Variants in CNBD1 observed in about 807,000 individuals in gnomAD.
CNBD1 encodes cyclic nucleotide binding domain containing 1, also known as cyclic nucleotide-binding domain-containing protein 1.
A neutral mutation model predicts 54.4 loss-of-function variants in CNBD1; 71 were observed. The ratio of observed to expected loss-of-function variants is 1.30; its 90% confidence interval spans 1.08 to 1.59. CNBD1 has a LOEUF of 1.59. CNBD1 is among the 40% of genes most tolerant of loss of function. The pLI is 0.00. For synonymous variants in CNBD1, 182 were observed against 170.7 expected, an observed-to-expected ratio of 1.07 and a Z score of -0.51; for missense variants, 659 against 518.0, an observed-to-expected ratio of 1.27 and a Z score of -2.64.
intron 4 of CNBD1, among the ~76,000 whole-genome samples, chr8:86,941,385 C>T (rs1328785398): frequency 6.6e-6 from 1 of 152,178 alleles, no homozygotes; most frequent in Non-Finnish European, 1.5e-5. Flanking sequence ...GCTACAATCA[C>T]TTTAATTCCA....
chr8:87,000,790 G>C (rs182357152), intron 4 of CNBD1, among the ~76,000 whole-genome samples: 26 of 152,056 alleles, frequency 1.7e-4, no homozygotes, highest in Admixed American at 1.5e-3. Flanking sequence ...TTACAGATTT[G>C]ATGTCACCCT....
intron 2 of CNBD1, among the ~76,000 whole-genome samples, chr8:87,427,206 C>T (rs1281876984): frequency 6.6e-6 from 1 of 152,044 alleles, no homozygotes; most frequent in Admixed American, 6.6e-5. Context: ...GCTACATTAT[C>T]TTGTATGTCC....
intron 2 of CNBD1, among the ~76,000 whole-genome samples, chr8:86,898,601 C>A (rs528907856): frequency 3.9e-5 from 6 of 152,202 alleles, no homozygotes; most frequent in African/African-American, 1.4e-4. Context: ...GATACTGAAA[C>A]AACTGGATAT....
At chr8:86,923,525 T>G (rs1260895785) in intron 3 of CNBD1, among the ~76,000 whole-genome samples, 1 of 152,152 alleles carries the variant, frequency 6.6e-6, no homozygotes, top group African/African-American at 2.4e-5. Context: ...GTGTTTTCCT[T>G]TTGACCCAGC....
chr8:87,314,312 T>A (rs1039004703), intron 8 of CNBD1, among the ~76,000 whole-genome samples: 8 of 151,654 alleles, frequency 5.3e-5, no homozygotes, highest in African/African-American at 1.7e-4. Context: ...ATCTCATTTT[T>A]TAAAAAAAAA....
intron 4 of CNBD1, among the ~76,000 whole-genome samples, chr8:86,981,589 C>G (rs1316192344): frequency 1.3e-5 from 2 of 152,184 alleles, no homozygotes; most frequent in Non-Finnish European, 2.9e-5. Context: ...GTACATCTTC[C>G]TGAAACCTTG....
chr8:87,366,548 C>T (rs1168657008), intron 10 of CNBD1, among the ~76,000 whole-genome samples: 1 of 152,072 alleles, frequency 6.6e-6, no homozygotes, highest in Non-Finnish European at 1.5e-5. Context: ...CCCAGATAAC[C>T]TGCCTATTTT....
chr8:87,379,678 C>A (rs1032670682), intron 10 of CNBD1, among the ~76,000 whole-genome samples: 4 of 151,740 alleles, frequency 2.6e-5, no homozygotes, highest in Non-Finnish European at 4.4e-5. Flanking sequence ...AATGATGAAA[C>A]ATTATTGCAC....
intron 4 of CNBD1, among the ~76,000 whole-genome samples, chr8:87,051,864 C>T (rs1005033754): frequency 1.3e-5 from 2 of 152,156 alleles, no homozygotes; most frequent in East Asian, 3.9e-4. Flanking sequence ...AATTTATGGC[C>T]AGATTTTGGG....
At chr8:87,093,145 G>A (rs1001865875) in intron 4 of CNBD1, among the ~76,000 whole-genome samples, 7 of 152,148 alleles carry the variant, frequency 4.6e-5, no homozygotes, top group East Asian at 1.9e-4. Context: ...CTTATTTACT[G>A]TATAGAACTT....
intron 5 of CNBD1, among the ~76,000 whole-genome samples, chr8:87,216,077 GTTAA>G (rs1260119513): frequency 6.6e-6 from 1 of 152,140 alleles, no homozygotes; most frequent in Non-Finnish European, 1.5e-5. Context: ...CTCATGAGCT[GTTAA>G]TTGTTTCTTT....
At chr8:87,109,750 G>C (rs964327172) in intron 4 of CNBD1, among the ~76,000 whole-genome samples, 17 of 151,882 alleles carry the variant, frequency 1.1e-4, no homozygotes, top group Non-Finnish European at 2.2e-4. Flanking sequence ...GTGTTAGCCA[G>C]GATGGTCTTG....
chr8:87,223,603 G>A, intron 5 of CNBD1, among the ~76,000 whole-genome samples: 1 of 152,066 alleles, frequency 6.6e-6, no homozygotes, highest in East Asian at 1.9e-4. Flanking sequence ...AGTGTTCCAT[G>A]GTGTATATGT....
intron 8 of CNBD1, among the ~76,000 whole-genome samples, chr8:87,327,239 G>A (rs1375014707): frequency 5.2e-4 from 69 of 133,530 alleles, no homozygotes; most frequent in South Asian, 7.2e-4. Context: ...AGTCTGCAGA[G>A]GTTACTGCTG....
At chr8:86,941,044 G>A (rs1468482959) in intron 4 of CNBD1, among the ~76,000 whole-genome samples, 1 of 152,150 alleles carries the variant, frequency 6.6e-6, no homozygotes, top group South Asian at 2.1e-4. Context: ...TTCTCAGAAT[G>A]TATCCCCGTT....
intron 4 of CNBD1, among the ~76,000 whole-genome samples, chr8:87,148,185 A>AT (rs1812528897): frequency 6.6e-6 from 1 of 152,068 alleles, no homozygotes; most frequent in Non-Finnish European, 1.5e-5. Context: ...AATGATTCAG[A>AT]TTTTTTACCT....
intron 2 of CNBD1, among the ~76,000 whole-genome samples, chr8:86,900,458 G>A (rs1040850930): frequency 2.0e-5 from 3 of 152,074 alleles, no homozygotes; most frequent in Admixed American, 1.3e-4. Context: ...TCACATTCTT[G>A]TCCTTTTTTC....
intron 1 of CNBD1, among the ~76,000 whole-genome samples, chr8:86,868,645 A>G (rs1303564788): frequency 1.3e-5 from 2 of 152,096 alleles, no homozygotes; most frequent in East Asian, 3.9e-4. Flanking sequence ...CTGTATTTAT[A>G]TGTGAATATT....
chr8:87,336,327 G>A (rs2130914715), intron 8 of CNBD1, among the ~76,000 whole-genome samples: 1 of 152,132 alleles, frequency 6.6e-6, no homozygotes, highest in East Asian at 1.9e-4. Flanking sequence ...TCCCTTTCAG[G>A]TACTCCAGTT....
Sources: gnomAD v4.1 joint callset for allele counts (sites outside exome capture counted in the v4.1 genomes callset) on GRCh38, gnomAD v4.1.1 for gene constraint, MANE v1.5 for transcripts, NCBI Gene and HGNC (gene_info 2026-07-23, HGNC 2026-07-21) for gene names.